Variants in PTPRN2 observed in about 807,000 individuals in gnomAD.
PTPRN2 encodes the protein protein tyrosine phosphatase receptor type N2, also known as receptor-type tyrosine-protein phosphatase N2.
PTPRN2 carries 74 observed loss-of-function variants against 118.8 expected under a neutral mutation model. The observed-to-expected ratio is 0.62, with a 90% CI of 0.52 to 0.76. PTPRN2 has a LOEUF of 0.76. Among genes scored for constraint, PTPRN2 ranks in the 30% least tolerant of loss-of-function variants. The probability of loss-of-function intolerance (pLI) is 0.00; values close to 1 mark genes in which losing one functional copy is unlikely to be tolerated. For synonymous variants in PTPRN2, 641 were observed against 608.0 expected (o/e 1.05, Z -0.80); for missense variants, 1,481 against 1,394.4 (o/e 1.06, Z -0.99).
At chr7:158,187,336 C>T (rs1402563827) in intron 5 of PTPRN2, among the ~76,000 whole-genome samples, 1 of 152,152 alleles carries the variant, frequency 6.6e-6, no homozygotes. Flanking sequence ...ACATAGAAAA[C>T]AATGATTTAT....
At chr7:158,070,556 ATGGTGG>A (rs757334093) in intron 11 of PTPRN2, among the ~76,000 whole-genome samples, 3 of 35,120 alleles carry the variant, frequency 8.5e-5, no homozygotes, top group Non-Finnish European at 1.5e-4. Context: ...GGAGGTGCCC[ATGGTGG>A]TGGTGGAGGT....
chr7:157,932,054 C>T (rs1799389792), intron 11 of PTPRN2, among the ~76,000 whole-genome samples: 1 of 152,220 alleles, frequency 6.6e-6, no homozygotes, highest in Non-Finnish European at 1.5e-5. Flanking sequence ...AGGCTTTACT[C>T]TCACCTGCAA....
intron 2 of PTPRN2, among the ~76,000 whole-genome samples, chr7:158,457,824 C>A (rs1184621223): frequency 6.6e-6 from 1 of 150,470 alleles, no homozygotes; most frequent in Non-Finnish European, 1.5e-5. Flanking sequence ...AGACCTCCCC[C>A]TCCAGGGCGA....
intron 2 of PTPRN2, among the ~76,000 whole-genome samples, chr7:158,329,729 T>A (rs571649203): frequency 6.6e-6 from 1 of 152,250 alleles, no homozygotes; most frequent in South Asian, 2.1e-4. Flanking sequence ...ATGTGGAAAT[T>A]AAGGCACAGG....
In PTPRN2 at chr7:158,517,304, G is replaced by A. The variant is rs1019664526; in HGVS notation, c.113-27519C>T. ...CACAGCCTTGGAGGAGGCAGAGTGC[G>A]GGCAGCGCCCCCTCACAGAACCGCA... is the stretch of plus-strand genomic sequence containing the variant. On this transcript the variant is annotated intron_variant, in intron 1 of 22. Transcript: ENST00000389418. This position sits in a 1 kb window ranked among gnomAD's most constrained non-coding sequence, Gnocchi z 5.3. 8.5e-5 allele frequency among the ~76,000 whole-genome samples: 13 copies of A among 152,264 alleles called. No homozygotes were observed. The highest frequency in any genetic ancestry group is 3.3e-4 in the Admixed American group (5 of 15,302).
chr7:158,040,398 T>TCACA lies in PTPRN2; in HGVS notation c.1723+40896_1723+40899dup, dbSNP rs61036927. Among the ~76,000 whole-genome samples, 130 of 148,246 alleles carry TCACA rather than the reference T, an allele frequency of 8.8e-4. 1 individual carries two copies. Among genetic ancestry groups the TCACA allele is most frequent in the Admixed American group, 2.4e-3 (35 of 14,788 alleles). ...ACGTGCATACACATGTGCACACACT[T>TCACA]CACACACACACACACACAAACACAC... is the stretch of plus-strand genomic sequence containing the variant. On this transcript the variant is annotated intron_variant, in intron 11 of 22. Transcript: ENST00000389418.
Position 157,801,756 on chromosome 7 carries a change from A to G in PTPRN2, c.1788+96917T>C, listed in dbSNP as rs925802873. Among the ~76,000 whole-genome samples the G allele has an allele frequency of 2.6e-5, 4 of 152,120 alleles. No individual in the cohort carries two copies. Among genetic ancestry groups the G allele is most frequent in the Admixed American group, 2.0e-4 (3 of 15,282 alleles). Reference sequence around the variant, plus strand: ...GAATGCCTCCACCGAGGGTTCTGGGAAGGAAAACGCCCGCTTAGTGGAAGA... The same window carrying G: ...GAATGCCTCCACCGAGGGTTCTGGGGAGGAAAACGCCCGCTTAGTGGAAGA... On this transcript the variant is annotated intron_variant, in intron 12 of 22. Transcript: ENST00000389418. The surrounding 1 kb of genome is among the most constrained non-coding windows in gnomAD (Gnocchi z 4.2).
intron 12 of PTPRN2, among the ~76,000 whole-genome samples, chr7:157,696,277 G>C (rs979052002): frequency 3.1e-5 from 4 of 130,994 alleles, no homozygotes; most frequent in Non-Finnish European, 4.9e-5. Flanking sequence ...ATCTACCCAT[G>C]CATACTGGAT....
intron 2 of PTPRN2, among the ~76,000 whole-genome samples, chr7:158,410,951 G>GCAGACAA (rs1814024374): frequency 1.3e-3 from 9 of 6,956 alleles, no homozygotes; most frequent in African/African-American, 4.3e-3. Context: ...GGAGGGACAG[G>GCAGACAA]GTACACAAGC....
intron 11 of PTPRN2, among the ~76,000 whole-genome samples, chr7:157,965,174 A>G (rs1801832412): frequency 6.6e-6 from 1 of 152,198 alleles, no homozygotes; most frequent in African/African-American, 2.4e-5. Context: ...TTGAGTACCC[A>G]CTTTGTGCTA....
At chr7:158,084,448 T>C (rs548548105) in intron 10 of PTPRN2, among the ~76,000 whole-genome samples, 34 of 152,258 alleles carry the variant, frequency 2.2e-4, no homozygotes, top group African/African-American at 8.2e-4. Context: ...TCTGTCTCTT[T>C]AGACATTTGG....
At chr7:157,870,771 T>C (rs1353275628) in intron 12 of PTPRN2, among the ~76,000 whole-genome samples, 1 of 152,246 alleles carries the variant, frequency 6.6e-6, no homozygotes, top group African/African-American at 2.4e-5. Context: ...AATCCTGCTC[T>C]GGGGCCAGGA....
chr7:158,239,429 G>C (rs139761453), intron 3 of PTPRN2, among the ~76,000 whole-genome samples: 1 of 152,144 alleles, frequency 6.6e-6, no homozygotes, highest in Non-Finnish European at 1.5e-5. Context: ...CCAACGCTCC[G>C]TAGCGCGGCC....
At chr7:158,169,417 A>AGAGT (rs1554570801) in intron 5 of PTPRN2, among the ~76,000 whole-genome samples, 21 of 136,526 alleles carry the variant, frequency 1.5e-4, no homozygotes, top group African/African-American at 5.0e-4. Context: ...TGCTTTTGTG[A>AGAGT]GTGTGTGTGT....
intron 12 of PTPRN2, among the ~76,000 whole-genome samples, chr7:157,859,857 A>ACC: frequency 8.6e-6 from 1 of 115,748 alleles, no homozygotes; most frequent in African/African-American, 3.3e-5. Flanking sequence ...CAGCTACTGT[A>ACC]CACACTCCTG....
At chr7:157,571,202 T>TTAAAAAAAA (rs1554494502) in intron 20 of PTPRN2, among the ~76,000 whole-genome samples, 1 of 129,556 alleles carries the variant, frequency 7.7e-6, no homozygotes, top group Non-Finnish European at 1.6e-5. Flanking sequence ...GCAACAGAGT[T>TTAAAAAAAA]AAAAAAAAAA....
At position 157,813,393 on chromosome 7, in the gene PTPRN2, A is replaced by G. The variant is rs1414850733; in HGVS notation, c.1788+85280T>C. ...GGGAGGGAAGAGGGTGGGAGACCAG[A>G]GTCAGAGGCGGACAGGGGTTCGATA... On this transcript the variant is annotated intron_variant, in intron 12 of 22. Transcript: ENST00000389418. This position sits in a 1 kb window ranked among gnomAD's most constrained non-coding sequence, Gnocchi z 4.7. 6.6e-6 allele frequency among the ~76,000 whole-genome samples: 1 copy of G among 152,126 alleles called. No individual in the cohort carries two copies. Among genetic ancestry groups the G allele is most frequent in the Non-Finnish European group, 1.5e-5 (1 of 68,032 alleles).
In PTPRN2 at chr7:158,130,028, A is replaced by C. The variant is rs564099326; in HGVS notation, c.1556+3649T>G. 3.9e-5 allele frequency among the ~76,000 whole-genome samples: 6 copies of C among 152,372 alleles called. No individual in the cohort carries two copies. The South Asian group carries it at 1.2e-3, about 32-fold the overall frequency. On this transcript the variant is annotated intron_variant, in intron 9 of 22. Transcript: ENST00000389418. ...TGCTGCTTACAACTTACCTAAAGAT[A>C]CAACTAAGATAATCACCTACAGCTG...
At chr7:158,266,997 C>T (rs749833732) in intron 3 of PTPRN2, among the ~76,000 whole-genome samples, 8 of 152,164 alleles carry the variant, frequency 5.3e-5, no homozygotes, top group Non-Finnish European at 1.0e-4. Context: ...TTCCACTTTC[C>T]GTGTCACTAA....
Sources: allele counts gnomAD v4.1 joint callset (sites outside exome capture counted in the v4.1 genomes callset), GRCh38; gene constraint gnomAD v4.1.1; non-coding constraint Gnocchi (gnomAD v3.1); transcripts MANE v1.5; gene names NCBI Gene and HGNC (gene_info 2026-07-23, HGNC 2026-07-21).